Variants in FOXP1 observed in about 807,000 individuals in gnomAD.
FOXP1 encodes forkhead box protein P1.
A neutral mutation model predicts 98.2 loss-of-function variants in FOXP1; 15 were observed. The observed-to-expected ratio is 0.15, with a 90% CI of 0.10 to 0.24. The LOEUF is 0.24. Ranked by LOEUF, FOXP1 falls within the 10% of genes least tolerant of loss-of-function variation. The probability of loss-of-function intolerance (pLI) is 1.00; values close to 1 mark genes in which losing one functional copy is unlikely to be tolerated. For synonymous variants in FOXP1, 371 were observed against 314.5 expected, an observed-to-expected ratio of 1.18 and a Z score of -1.90; for missense variants, 633 against 848.5, an observed-to-expected ratio of 0.75 and a Z score of 3.15.
At chr3:71,055,350 G>A (rs1278165954) in intron 7 of FOXP1, among the ~76,000 whole-genome samples, 2 of 152,118 alleles carry the variant, frequency 1.3e-5, no homozygotes, top group African/African-American at 2.4e-5. Flanking sequence ...TAGAACATTC[G>A]AAAAATTTCA....
intron 5 of FOXP1, among the ~76,000 whole-genome samples, chr3:71,239,133 T>C (rs1176931343): frequency 6.6e-6 from 1 of 152,194 alleles, no homozygotes; most frequent in Non-Finnish European, 1.5e-5. Context: ...GTGATTGCAT[T>C]TGAGCTTGGT....
chr3:71,258,879 C>T (rs541560290), intron 5 of FOXP1, among the ~76,000 whole-genome samples: 1 of 152,196 alleles, frequency 6.6e-6, no homozygotes, highest in African/African-American at 2.4e-5. Flanking sequence ...GGTACAGTGG[C>T]TCATGCCTGT....
Position 70,956,606 on chromosome 3 carries a change from TC to T in FOXP1, c.*2640del, listed in dbSNP as rs1241690141. 2 of 230,402 alleles carry T rather than the reference TC, an allele frequency of 8.7e-6. No individual in the cohort carries two copies. Among genetic ancestry groups the T allele is most frequent in the Non-Finnish European group, 1.7e-5 (2 of 116,254 alleles). The allele number at this position is 230,402 out of a possible 1,614,324, so 14.3% of individuals were successfully genotyped here. A position where few individuals can be genotyped will look rare whatever the true frequency, so the allele number is the denominator to read the frequency against. Reference sequence around the variant, plus strand: ...GCTACACATGCTGAGAATGAACTAATCTACCAGATTTTTATCCTCTTTTGAA... The same window carrying T: ...GCTACACATGCTGAGAATGAACTAATTACCAGATTTTTATCCTCTTTTGAA... On this transcript the variant is annotated 3_prime_UTR_variant, in exon 21 of 21. Transcript: ENST00000649528.
Position 71,166,604 on chromosome 3 carries a change from C to A in FOXP1, c.180+31598G>T, listed in dbSNP as rs73839412. On this transcript the variant is annotated intron_variant, in intron 6 of 20. Transcript: ENST00000649528. ...TGCTTGAGACCACTACTGGCCTCTT[C>A]TCCAGCTCTGTTTCCCTAATCTGCA... 2.3e-3 allele frequency among the ~76,000 whole-genome samples: 349 copies of A among 152,288 alleles called. 4 individuals are homozygous for A. Among genetic ancestry groups the A allele is most frequent in the African/African-American group, 7.9e-3 (329 of 41,542 alleles).
intron 6 of FOXP1, among the ~76,000 whole-genome samples, chr3:71,160,336 G>C (rs770051491): frequency 6.6e-6 from 1 of 152,206 alleles, no homozygotes; most frequent in Non-Finnish European, 1.5e-5. Context: ...GCTCTAGGTG[G>C]AGGTGAGGAT....
chr3:71,047,054 C>G lies in FOXP1; in HGVS notation c.552G>C (p.Gln184His), dbSNP rs2106975831. The change falls in exon 10 of 21, where the codon CAG (glutamine) becomes CAC (histidine). Residue 184 changes from glutamine to histidine, a missense_variant. Coordinates refer to ENST00000649528, the MANE Select transcript of FOXP1 (RefSeq NM_001349338.3). ...GCTGTAACTGCTGCATCTGTAAAAG[C>G]TGCTGCTGAAAAGCCAACTGCTGGG... ...VATQQLAFQQ[Q>H]LLQMQQLQQQ... 2 of 1,614,062 alleles carry G rather than the reference C, an allele frequency of 1.2e-6. No individual in the cohort carries two copies. Among genetic ancestry groups the G allele is most frequent in the Non-Finnish European group, 1.7e-6 (2 of 1,179,974 alleles).
At chr3:71,066,115 AAC>A (rs1438503665) in intron 7 of FOXP1, among the ~76,000 whole-genome samples, 1 of 149,178 alleles carries the variant, frequency 6.7e-6, no homozygotes, top group Non-Finnish European at 1.5e-5. Context: ...AAAAAAAGGC[AAC>A]AAAATCTGAC....
At chr3:71,239,253 C>A (rs2067049736) in intron 5 of FOXP1, among the ~76,000 whole-genome samples, 1 of 152,044 alleles carries the variant, frequency 6.6e-6, no homozygotes, top group South Asian at 2.1e-4. Context: ...TATTGAAAAC[C>A]AAAAAGCTGC....
chr3:71,550,664 C>T (rs2045708561), intron 2 of FOXP1, among the ~76,000 whole-genome samples: 1 of 152,190 alleles, frequency 6.6e-6, no homozygotes, highest in Admixed American at 6.5e-5. Context: ...CATAAGGATA[C>T]CACTTATGTG....
chr3:71,378,477 A>G (rs369317945), intron 3 of FOXP1, among the ~76,000 whole-genome samples: 1 of 151,994 alleles, frequency 6.6e-6, no homozygotes, highest in East Asian at 1.9e-4. Flanking sequence ...TCCCTGTCCC[A>G]CTCTGTCCTA....
chr3:71,228,023 G>A (rs1293797654), intron 5 of FOXP1, among the ~76,000 whole-genome samples: 1 of 131,988 alleles, frequency 7.6e-6, no homozygotes, highest in Admixed American at 8.0e-5. Flanking sequence ...GGGCGGGTGG[G>A]GGGCGGGGGA....
intron 2 of FOXP1, among the ~76,000 whole-genome samples, chr3:71,566,059 C>T (rs576795808): frequency 1.3e-5 from 2 of 152,284 alleles, no homozygotes; most frequent in African/African-American, 4.8e-5. Flanking sequence ...CTCCCAAAAG[C>T]GCACAGGTAT....
chr3:71,512,670 C>G (rs1374944396), intron 2 of FOXP1, among the ~76,000 whole-genome samples: 1 of 152,142 alleles, frequency 6.6e-6, no homozygotes, highest in East Asian at 1.9e-4. Context: ...GTGAATGCCA[C>G]TTCATACAAC....
chr3:71,283,741 T>A (rs533339735), intron 5 of FOXP1, among the ~76,000 whole-genome samples: 9 of 152,182 alleles, frequency 5.9e-5, no homozygotes, highest in Non-Finnish European at 1.2e-4. Flanking sequence ...TTTATGTTTG[T>A]TTGTTCACTG....
At chr3:71,186,298 G>A (rs1255833381) in intron 6 of FOXP1, among the ~76,000 whole-genome samples, 1 of 152,160 alleles carries the variant, frequency 6.6e-6, no homozygotes, top group African/African-American at 2.4e-5. Context: ...CACCAATAAC[G>A]TCAAAACTTT....
intron 7 of FOXP1, among the ~76,000 whole-genome samples, chr3:71,064,574 G>C (rs907435388): frequency 7.3e-5 from 11 of 151,564 alleles, no homozygotes; most frequent in African/African-American, 2.7e-4. Flanking sequence ...GGGTGGGGGG[G>C]TATCTCTCTC....
intron 6 of FOXP1, among the ~76,000 whole-genome samples, chr3:71,114,910 G>A (rs2107768530): frequency 6.6e-6 from 1 of 152,252 alleles, no homozygotes; most frequent in South Asian, 2.1e-4. Context: ...GCAGAGTGAA[G>A]ATTTCATTTA....
chr3:71,496,956 G>A (rs1411346375), intron 2 of FOXP1, among the ~76,000 whole-genome samples: 1 of 139,652 alleles, frequency 7.2e-6, no homozygotes, highest in Admixed American at 7.1e-5. Context: ...ACTGTGGTGT[G>A]TGGAAGTGTG....
chr3:71,015,530 A>G lies in FOXP1; in HGVS notation c.974+19T>C. On this transcript the variant is annotated intron_variant, in intron 12 of 20. Coordinates refer to ENST00000649528, the MANE Select transcript of FOXP1 (RefSeq NM_001349338.3). The stretch of plus-strand genomic sequence containing the variant: ...TGTTGGCTATGTAAAAGAAGAAAAC[A>G]AAATAAAATCATTCTTACTTTAGAA... 1 of 1,565,930 alleles carries G rather than the reference A, an allele frequency of 6.4e-7. No individual in the cohort carries two copies. The highest frequency in any genetic ancestry group is 8.8e-7 in the Non-Finnish European group (1 of 1,136,826).
Sources: gnomAD v4.1 joint callset for allele counts (sites outside exome capture counted in the v4.1 genomes callset) on GRCh38, gnomAD v4.1.1 for gene constraint, MANE v1.5 for transcripts, NCBI Gene and HGNC (gene_info 2026-07-23, HGNC 2026-07-21) for gene names.